Variants in UBE2E1 observed in about 807,000 individuals in gnomAD.
UBE2E1 encodes ubiquitin-conjugating enzyme E2 E1.
A neutral mutation model predicts 21.4 loss-of-function variants in UBE2E1; 6 were observed. The observed-to-expected ratio is 0.28, with a 90% CI of 0.15 to 0.55. UBE2E1 has a LOEUF of 0.55. UBE2E1 is among the 20% of genes least tolerant of loss of function. UBE2E1 has a pLI of 0.93. For synonymous variants in UBE2E1, 87 were observed against 82.7 expected (o/e 1.05, Z -0.28); for missense variants, 142 against 236.5 (o/e 0.60, Z 2.62).
At chr3:23,888,595 A>G (rs770375658) in intron 4 of UBE2E1, among the ~76,000 whole-genome samples, 1 of 152,210 alleles carries the variant, frequency 6.6e-6, no homozygotes, top group Non-Finnish European at 1.5e-5. Context: ...GGTAGACAGG[A>G]TGTCTATAGG....
chr3:23,819,922 T>C (rs1167227839), intron 3 of UBE2E1, among the ~76,000 whole-genome samples: 2 of 152,220 alleles, frequency 1.3e-5, no homozygotes, highest in Admixed American at 6.5e-5. Flanking sequence ...TTTGACTTCA[T>C]GTAAGGTTTA....
chr3:23,822,808 A>G (rs1559477202), intron 3 of UBE2E1, among the ~76,000 whole-genome samples: 2 of 152,082 alleles, frequency 1.3e-5, no homozygotes, highest in Admixed American at 6.5e-5. Flanking sequence ...ATCATATTTA[A>G]TGTTTTTCAT....
intron 3 of UBE2E1, among the ~76,000 whole-genome samples, chr3:23,857,631 AG>A: frequency 6.6e-6 from 1 of 152,292 alleles, no homozygotes; most frequent in Middle Eastern, 3.4e-3. Flanking sequence ...CCACTTGTGA[AG>A]GATTTGTCTC....
Position 23,887,520 on chromosome 3 carries a change from T to C in UBE2E1, c.204-47T>C, listed in dbSNP as rs371801546. Reference sequence around the variant, plus strand: ...CATCTCTTTTAATACACTGTAAAAATTGGGATAGTGCCACCATCTGCTTAT... The same window carrying C: ...CATCTCTTTTAATACACTGTAAAAACTGGGATAGTGCCACCATCTGCTTAT... On this transcript the variant is annotated intron_variant, in intron 3 of 5. Coordinates refer to ENST00000306627, the MANE Select transcript of UBE2E1 (RefSeq NM_003341.5). This position sits in a 1 kb window ranked among gnomAD's most constrained non-coding sequence, Gnocchi z 4.4. 1.1e-5 allele frequency: 18 copies of C among 1,573,884 alleles called. No individual in the cohort carries two copies. The highest frequency in any genetic ancestry group is 1.5e-5 in the Non-Finnish European group (17 of 1,165,146).
At chr3:23,818,411 C>T (rs959927444) in intron 3 of UBE2E1, among the ~76,000 whole-genome samples, 10 of 152,168 alleles carry the variant, frequency 6.6e-5, no homozygotes, top group African/African-American at 2.4e-4. Flanking sequence ...TTATAAACTT[C>T]CTAAAAGGGA....
intron 3 of UBE2E1, among the ~76,000 whole-genome samples, chr3:23,821,674 C>G (rs1386784590): frequency 1.3e-5 from 2 of 152,052 alleles, no homozygotes; most frequent in South Asian, 4.2e-4. Flanking sequence ...AAAAATGACT[C>G]CAAGTTTCTG....
intron 3 of UBE2E1, among the ~76,000 whole-genome samples, chr3:23,845,589 C>G (rs11917699): frequency 0.7 from 83,908 of 120,130 alleles, 29,852 homozygotes; most frequent in Admixed American, 0.73. Flanking sequence ...CTCTCTCTCT[C>G]TGTGTGTGTG....
chr3:23,860,653 A>G (rs1443356947), intron 3 of UBE2E1, among the ~76,000 whole-genome samples: 1 of 152,218 alleles, frequency 6.6e-6, no homozygotes, highest in African/African-American at 2.4e-5. Context: ...GACTAAAAGT[A>G]TTCATTTTGC....
rs1553637704 is a variant in UBE2E1, at chr3:23,842,198, G to GGGGTGTGTGTGTGT, written c.203+30689_203+30690insGGTGTGTGTGTGTG. Among the ~76,000 whole-genome samples the GGGGTGTGTGTGTGT allele has an allele frequency of 6.2e-4, 65 of 104,356 alleles. No homozygotes were observed. The highest frequency in any genetic ancestry group is 5.7e-3 in the Middle Eastern group (1 of 174). 68.5% of individuals were successfully genotyped at this position (104,356 alleles called of 152,430 possible). A position where few individuals can be genotyped will look rare whatever the true frequency, so the allele number is the denominator to read the frequency against. ...TATGTCATGACCCAGTAAGTGAAGG[G>GGGGTGTGTGTGTGT]GTGTGTGTGTGTGTGTGTGTGTGTG... On this transcript the variant is annotated intron_variant, in intron 3 of 5. Coordinates refer to ENST00000306627, the MANE Select transcript of UBE2E1 (RefSeq NM_003341.5). The surrounding 1 kb of genome is among the most constrained non-coding windows in gnomAD (Gnocchi z 4.6).
Position 23,876,180 on chromosome 3 carries a change from CTCA to C in UBE2E1, c.204-11386_204-11384del, listed in dbSNP as rs1463000671. The stretch of plus-strand genomic sequence containing the variant: ...GATAGTTAACCTGAATGGTACATTC[CTCA>C]CAGTACCAGAGCCTCTTCCTTTCCT... On this transcript the variant is annotated intron_variant, in intron 3 of 5. Coordinates refer to ENST00000306627, the MANE Select transcript of UBE2E1 (RefSeq NM_003341.5). The surrounding 1 kb of genome is among the most constrained non-coding windows in gnomAD (Gnocchi z 4.3). 1.3e-5 allele frequency among the ~76,000 whole-genome samples: 2 copies of C among 152,178 alleles called. No individual in the cohort carries two copies. The highest frequency in any genetic ancestry group is 2.9e-5 in the Non-Finnish European group (2 of 68,040).
chr3:23,829,021 C>CTGTA (rs1699811199), intron 3 of UBE2E1, among the ~76,000 whole-genome samples: 1 of 152,086 alleles, frequency 6.6e-6, no homozygotes, highest in Non-Finnish European at 1.5e-5. Flanking sequence ...TTCTGACAAG[C>CTGTA]TGTAGCTAGA....
rs1699972006 is a variant in UBE2E1, at chr3:23,836,246, A to T, written c.203+24736A>T. 6.6e-6 allele frequency among the ~76,000 whole-genome samples: 1 copy of T among 152,256 alleles called. No individual in the cohort carries two copies. The highest frequency in any genetic ancestry group is 2.4e-5 in the African/African-American group (1 of 41,464). ...GAATATCTAAAATGAATATCCAGCT[A>T]GTAAAATTAGCCATCCATTCATGAA... On this transcript the variant is annotated intron_variant, in intron 3 of 5. Coordinates refer to ENST00000306627, the MANE Select transcript of UBE2E1 (RefSeq NM_003341.5). The surrounding 1 kb of genome is among the most constrained non-coding windows in gnomAD (Gnocchi z 4.1).
chr3:23,814,154 CA>C lies in UBE2E1; in HGVS notation c.203+2654del, dbSNP rs1024222353. Among the ~76,000 whole-genome samples, 339 of 146,600 alleles carry C rather than the reference CA, an allele frequency of 2.3e-3. 1 individual carries two copies. The highest frequency in any genetic ancestry group is 8.1e-3 in the African/African-American group (326 of 40,078). ...TGGGCGACAGAGTGAGACCCTGTCT[CA>C]AAAAAAAAAGTTGATTATTGCAAAT... is the stretch of plus-strand genomic sequence containing the variant. On this transcript the variant is annotated intron_variant, in intron 3 of 5. Transcript: ENST00000306627.
At chr3:23,867,365 T>G (rs1175522644) in intron 3 of UBE2E1, among the ~76,000 whole-genome samples, 3 of 152,220 alleles carry the variant, frequency 2.0e-5, no homozygotes, top group Non-Finnish European at 4.4e-5. Context: ...CAAACCTGTA[T>G]GTAATAAATT....
chr3:23,872,318 C>T (rs1030211975), intron 3 of UBE2E1, among the ~76,000 whole-genome samples: 1 of 150,578 alleles, frequency 6.6e-6, no homozygotes, highest in Non-Finnish European at 1.5e-5. Context: ...GCCGAGATGG[C>T]AGCAGTACAG....
intron 3 of UBE2E1, chr3:23,879,536 T>G (rs1175819924): frequency 1.2e-5 from 4 of 325,548 alleles, no homozygotes; most frequent in African/African-American, 2.2e-5. Flanking sequence ...TTGAAATGCT[T>G]TCTTCTTGCT....
At chr3:23,872,001 C>T (rs1435113892) in intron 3 of UBE2E1, among the ~76,000 whole-genome samples, 3 of 151,996 alleles carry the variant, frequency 2.0e-5, no homozygotes, top group East Asian at 3.9e-4. Context: ...AATCTCGGCA[C>T]TTTGGGAGGC....
rs1241397576 is a variant in UBE2E1 at position 23,853,198 on chromosome 3, A to G, written c.204-34369A>G. 6.6e-6 allele frequency among the ~76,000 whole-genome samples: 1 copy of G among 152,172 alleles called. No homozygotes were observed. The highest frequency in any genetic ancestry group is 1.5e-5 in the Non-Finnish European group (1 of 68,016). ...GTGAGCCACCGCGCCCAGCTGCCTT[A>G]TTTCTTTTTCTTGCTGTAATTCACC... On this transcript the variant is annotated intron_variant, in intron 3 of 5. Transcript: ENST00000306627. This position sits in a 1 kb window ranked among gnomAD's most constrained non-coding sequence, Gnocchi z 4.1.
chr3:23,815,768 T>C (rs1341509034), intron 3 of UBE2E1, among the ~76,000 whole-genome samples: 1 of 152,244 alleles, frequency 6.6e-6, no homozygotes, highest in African/African-American at 2.4e-5. Flanking sequence ...AAACCCTGTA[T>C]CTTATGTGCT....
Sources: allele counts gnomAD v4.1 joint callset (sites outside exome capture counted in the v4.1 genomes callset), GRCh38; gene constraint gnomAD v4.1.1; non-coding constraint Gnocchi (gnomAD v3.1); transcripts MANE v1.5; gene names NCBI Gene and HGNC (gene_info 2026-07-23, HGNC 2026-07-21).